Variants in FBXL4 observed in about 807,000 individuals in gnomAD.
The protein encoded by FBXL4 is F-box and leucine rich repeat protein 4.
A neutral mutation model predicts 58.9 loss-of-function variants in FBXL4; 40 were observed. The ratio of observed to expected loss-of-function variants is 0.68; its 90% CI spans 0.53 to 0.88. The LOEUF (loss-of-function observed/expected upper bound fraction) is 0.88. Among genes scored for constraint, FBXL4 ranks in the 40% least tolerant of loss-of-function variants. The pLI is 0.00. For missense variants in FBXL4, 676 were observed against 734.4 expected, an observed-to-expected ratio of 0.92 and a Z score of 0.92; for synonymous variants, 263 against 265.5, an observed-to-expected ratio of 0.99 and a Z score of 0.09.
intron 7 of FBXL4, among the ~76,000 whole-genome samples, chr6:98,888,166 G>A (rs146726142): frequency 5.3e-5 from 8 of 152,292 alleles, no homozygotes; most frequent in Admixed American, 2.0e-4. Context: ...TTTGGAGCAG[G>A]AGTTGGCAAA....
chr6:98,934,105 A>G (rs1773112308), intron 2 of FBXL4, among the ~76,000 whole-genome samples: 2 of 152,226 alleles, frequency 1.3e-5, no homozygotes, highest in South Asian at 2.1e-4. Flanking sequence ...TCTGGTCACA[A>G]AGAAACTCTG....
chr6:98,875,809 A>C (rs1770642224), intron 8 of FBXL4, 82 bp from the exon 9 acceptor site: 10 of 1,353,536 alleles, frequency 7.4e-6, no homozygotes, highest in African/African-American at 1.5e-5. Flanking sequence ...TCTTAATTAT[A>C]ACCTATTGCT....
intron 5 of FBXL4, among the ~76,000 whole-genome samples, chr6:98,913,974 T>G (rs1562237439): frequency 6.6e-6 from 1 of 152,002 alleles, no homozygotes; most frequent in African/African-American, 2.4e-5. Flanking sequence ...TAAAAAATGA[T>G]AAAGGGGATA....
chr6:98,947,445 G>GT (rs1342266799), intron 1 of FBXL4, among the ~76,000 whole-genome samples: 1 of 152,254 alleles, frequency 6.6e-6, no homozygotes, highest in East Asian at 1.9e-4. Context: ...TGGCCGACGC[G>GT]TGGCTGCCGG....
At chr6:98,890,827 G>A (rs1264709495) in intron 7 of FBXL4, among the ~76,000 whole-genome samples, 3 of 152,102 alleles carry the variant, frequency 2.0e-5, no homozygotes, top group Non-Finnish European at 2.9e-5. Flanking sequence ...GCTGCAGCAG[G>A]AGAATTGCTT....
At chr6:98,908,435 CT>C (rs1771898831) in intron 5 of FBXL4, among the ~76,000 whole-genome samples, 1 of 152,088 alleles carries the variant, frequency 6.6e-6, no homozygotes, top group South Asian at 2.1e-4. Context: ...GTATGTCCTG[CT>C]TTTTTTCCTA....
At chr6:98,880,142 C>A (rs1332659139) in intron 8 of FBXL4, among the ~76,000 whole-genome samples, 3 of 152,024 alleles carry the variant, frequency 2.0e-5, no homozygotes, top group African/African-American at 7.2e-5. Flanking sequence ...ATAAACCTAT[C>A]TATTATCATT....
chr6:98,879,777 C>A (rs1770781995), intron 8 of FBXL4, among the ~76,000 whole-genome samples: 1 of 151,796 alleles, frequency 6.6e-6, no homozygotes, highest in Non-Finnish European at 1.5e-5. Context: ...CCCATCTCTA[C>A]TAAAAATACA....
At chr6:98,908,385 T>C (rs1303793057) in intron 5 of FBXL4, among the ~76,000 whole-genome samples, 1 of 152,186 alleles carries the variant, frequency 6.6e-6, no homozygotes, top group African/African-American at 2.4e-5. Context: ...CCTCCTTCCG[T>C]TTCATAGAAG....
chr6:98,923,139 C>G (rs1772647121), intron 4 of FBXL4, among the ~76,000 whole-genome samples: 2 of 152,116 alleles, frequency 1.3e-5, no homozygotes. Flanking sequence ...AAAAGTCTGG[C>G]TGGTGCAGGA....
intron 1 of FBXL4, among the ~76,000 whole-genome samples, chr6:98,938,384 G>A (rs780113608): frequency 6.6e-6 from 1 of 152,120 alleles, no homozygotes; most frequent in Non-Finnish European, 1.5e-5. Context: ...AATATACTTC[G>A]ACACCTTCAG....
intron 1 of FBXL4, among the ~76,000 whole-genome samples, chr6:98,942,432 T>C (rs909308319): frequency 2.6e-5 from 4 of 152,070 alleles, no homozygotes; most frequent in Non-Finnish European, 4.4e-5. Context: ...TGGAAGGTGA[T>C]TGGATCATGG....
chr6:98,900,816 T>C (rs893634993), intron 6 of FBXL4, among the ~76,000 whole-genome samples: 3 of 152,196 alleles, frequency 2.0e-5, no homozygotes, highest in African/African-American at 7.2e-5. Context: ...TTCAAACTTG[T>C]ATTATTTGAT....
intron 4 of FBXL4, among the ~76,000 whole-genome samples, chr6:98,922,569 C>T (rs1055168160): frequency 6.6e-6 from 1 of 152,150 alleles, no homozygotes; most frequent in Non-Finnish European, 1.5e-5. Context: ...ACCTATCACA[C>T]ATATATGTTC....
intron 4 of FBXL4, 48 bp downstream of exon 4, chr6:98,926,429 C>G: frequency 6.6e-7 from 1 of 1,507,124 alleles, no homozygotes. Context: ...TATTAACAAC[C>G]AAAACCTTTC....
In FBXL4 at chr6:98,911,729, A is replaced by G. The variant is rs184052359; in HGVS notation, c.858+5645T>C. On this transcript the variant is annotated intron_variant, in intron 5 of 9. Transcript: ENST00000369244. Reference sequence around the variant, plus strand: ...GTAGATAAAACCACAAAGATGGGGGAAAAACAGAGCAGAAAAACTGGAAAC... The same window carrying G: ...GTAGATAAAACCACAAAGATGGGGGGAAAACAGAGCAGAAAAACTGGAAAC... Among the ~76,000 whole-genome samples, 312 of 152,322 alleles carry G rather than the reference A, an allele frequency of 2.0e-3. 3 individuals are homozygous for G. Among genetic ancestry groups the G allele is most frequent in the African/African-American group, 6.6e-3 (273 of 41,578 alleles).
chr6:98,926,555 G>T lies in FBXL4; in HGVS notation c.434C>A (p.Thr145Asn), dbSNP rs755971635. 1 of 1,614,012 alleles carries T rather than the reference G, an allele frequency of 6.2e-7. No individual in the cohort carries two copies. Among genetic ancestry groups the T allele is most frequent in the Non-Finnish European group, 8.5e-7 (1 of 1,180,010 alleles). The stretch of plus-strand genomic sequence containing the variant: ...TCTAATGACTGCTCCGGGATGATAG[G>T]TTTCTAGAACATGTACAGCTGTAGG... The part of the protein sequence containing the change: ...VYPTAVHVLE[T>N]YHPGAVIRIL... The change falls in exon 4 of 10, where the codon ACC (threonine) becomes AAC (asparagine). Residue 145 changes from threonine (T) to asparagine (N), a missense_variant. By Grantham distance (65) the Thr-to-Asn change is moderately conservative. Transcript: ENST00000369244.
At chr6:98,929,856 A>T (rs1406674135) in intron 2 of FBXL4, among the ~76,000 whole-genome samples, 3 of 152,192 alleles carry the variant, frequency 2.0e-5, no homozygotes, top group African/African-American at 4.8e-5. Context: ...CATGACATCA[A>T]CTAAGGCAAT....
chr6:98,890,349 A>G (rs1356499598), intron 7 of FBXL4, among the ~76,000 whole-genome samples: 1 of 152,326 alleles, frequency 6.6e-6, no homozygotes, highest in Middle Eastern at 3.4e-3. Context: ...TAGTTATATA[A>G]CGTGATCAGA....
Sources: gnomAD v4.1 joint callset for allele counts (sites outside exome capture counted in the v4.1 genomes callset) on GRCh38, gnomAD v4.1.1 for gene constraint, MANE v1.5 for transcripts, NCBI Gene and HGNC (gene_info 2026-07-23, HGNC 2026-07-21) for gene names.